DLG2: variants seen among roughly 807,000 people sequenced by gnomAD.
DLG2 encodes disks large homolog 2.
A neutral mutation model predicts 132.5 loss-of-function variants in DLG2; 45 were observed. The observed-to-expected ratio is 0.34, with a 90% CI of 0.27 to 0.44. The LOEUF (loss-of-function observed/expected upper bound fraction) is 0.44. Ranked by LOEUF, DLG2 falls within the 20% of genes least tolerant of loss-of-function variation. The probability of loss-of-function intolerance (pLI) is 1.00; values close to 1 mark genes in which losing one functional copy is unlikely to be tolerated. For missense variants in DLG2, 1,045 were observed against 1,196.9 expected (o/e 0.87, Z 1.87); for synonymous variants, 424 against 419.6 (o/e 1.01, Z -0.13).
At chr11:85,586,008 C>T (rs758674799) in intron 3 of DLG2, among the ~76,000 whole-genome samples, 1 of 152,290 alleles carries the variant, frequency 6.6e-6, no homozygotes, top group East Asian at 1.9e-4. Flanking sequence ...TGAGCCTCCA[C>T]ACCCAACCTG....
intron 6 of DLG2, among the ~76,000 whole-genome samples, chr11:85,085,430 C>T (rs1029695709): frequency 5.6e-4 from 85 of 152,068 alleles, no homozygotes; most frequent in African/African-American, 1.9e-3. Flanking sequence ...TGTAACTTAA[C>T]ATTTGTTGCC....
At chr11:84,177,344 A>C (rs1351159092) in intron 8 of DLG2, among the ~76,000 whole-genome samples, 2 of 152,110 alleles carry the variant, frequency 1.3e-5, no homozygotes, top group East Asian at 3.9e-4. Flanking sequence ...ATATGCATGC[A>C]CATATATACA....
At chr11:84,313,482 G>T (rs1023458741) in intron 7 of DLG2, among the ~76,000 whole-genome samples, 2 of 128,718 alleles carry the variant, frequency 1.6e-5, no homozygotes, top group African/African-American at 5.7e-5. Flanking sequence ...GTACATGATA[G>T]TCAAAGAAAG....
chr11:85,006,975 T>C, intron 6 of DLG2, among the ~76,000 whole-genome samples: 1 of 152,192 alleles, frequency 6.6e-6, no homozygotes, highest in East Asian at 1.9e-4. Context: ...CCCATCTCCA[T>C]AATATTTTAA....
intron 20 of DLG2, among the ~76,000 whole-genome samples, chr11:83,533,283 T>C (rs2095803108): frequency 6.6e-6 from 1 of 152,174 alleles, no homozygotes; most frequent in Non-Finnish European, 1.5e-5. Flanking sequence ...CCAATGTCCT[T>C]CTGTCATCTC....
At chr11:84,891,227 T>C (rs1035873389) in intron 6 of DLG2, among the ~76,000 whole-genome samples, 5 of 152,152 alleles carry the variant, frequency 3.3e-5, no homozygotes, top group Admixed American at 1.3e-4. Context: ...TTTCCTTTTT[T>C]AACACAGACA....
chr11:83,567,824 C>T (rs2143117942), intron 19 of DLG2, among the ~76,000 whole-genome samples: 1 of 152,114 alleles, frequency 6.6e-6, no homozygotes, highest in East Asian at 1.9e-4. Flanking sequence ...GCAAGGAATT[C>T]AGTCCAGCTA....
chr11:84,993,468 G>C (rs1253016614), intron 6 of DLG2, among the ~76,000 whole-genome samples: 1 of 152,234 alleles, frequency 6.6e-6, no homozygotes, highest in Non-Finnish European at 1.5e-5. Flanking sequence ...TGCAGCCAGA[G>C]TGTCTTTGCA....
At chr11:85,613,872 C>T (rs1470632559) in intron 2 of DLG2, among the ~76,000 whole-genome samples, 1 of 152,204 alleles carries the variant, frequency 6.6e-6, no homozygotes, top group Non-Finnish European at 1.5e-5. Flanking sequence ...CCTTTATGAG[C>T]TGTAACACAC....
chr11:84,341,428 T>A (rs2098514137), intron 7 of DLG2, among the ~76,000 whole-genome samples: 1 of 152,134 alleles, frequency 6.6e-6, no homozygotes, highest in Non-Finnish European at 1.5e-5. Flanking sequence ...TTGGCATTGT[T>A]TACATAAACC....
chr11:84,085,983 G>T (rs1251756277), intron 10 of DLG2, among the ~76,000 whole-genome samples: 1 of 152,132 alleles, frequency 6.6e-6, no homozygotes, highest in Non-Finnish European at 1.5e-5. Flanking sequence ...CTATTTATCA[G>T]ATAATTTTTA....
intron 6 of DLG2, among the ~76,000 whole-genome samples, chr11:84,789,520 G>A (rs1246953209): frequency 6.6e-6 from 1 of 152,014 alleles, no homozygotes; most frequent in Non-Finnish European, 1.5e-5. Context: ...GGTAAATGAA[G>A]TATCTATCCC....
At chr11:83,969,122 T>C (rs1324022085) in intron 12 of DLG2, among the ~76,000 whole-genome samples, 1 of 152,118 alleles carries the variant, frequency 6.6e-6, no homozygotes, top group East Asian at 1.9e-4. Flanking sequence ...ATTTTACAGA[T>C]GAGAAAAACT....
chr11:83,610,476 G>T (rs1355440685), intron 19 of DLG2, among the ~76,000 whole-genome samples: 4 of 152,174 alleles, frequency 2.6e-5, no homozygotes, highest in Admixed American at 2.6e-4. Context: ...GATTTGACGA[G>T]AAGTAAACAA....
chr11:85,369,848 A>G (rs1269271888), intron 3 of DLG2, among the ~76,000 whole-genome samples: 1 of 152,200 alleles, frequency 6.6e-6, no homozygotes, highest in African/African-American at 2.4e-5. Context: ...CATGTGGCCT[A>G]AAGAAAGGGT....
intron 6 of DLG2, among the ~76,000 whole-genome samples, chr11:84,778,616 T>C (rs2071127720): frequency 6.6e-6 from 1 of 152,202 alleles, no homozygotes; most frequent in Non-Finnish European, 1.5e-5. Context: ...CTACAATTTA[T>C]TTCATCATTG....
intron 7 of DLG2, among the ~76,000 whole-genome samples, chr11:84,378,372 G>T (rs1336574949): frequency 6.6e-6 from 1 of 152,090 alleles, no homozygotes; most frequent in Non-Finnish European, 1.5e-5. Flanking sequence ...AACCTAATTT[G>T]CTGGCACCTT....
intron 17 of DLG2, among the ~76,000 whole-genome samples, chr11:83,831,556 AAG>A (rs377245778): frequency 4.8e-4 from 72 of 148,868 alleles, no homozygotes; most frequent in African/African-American, 1.0e-3. Flanking sequence ...GAGAGAGAGA[AAG>A]AGAGAGAGAT....
chr11:84,184,499 A>T (rs1165207873), intron 8 of DLG2, among the ~76,000 whole-genome samples: 1 of 151,232 alleles, frequency 6.6e-6, no homozygotes, highest in African/African-American at 2.4e-5. Flanking sequence ...GATTGCAAAA[A>T]TTTTCTCCCA....
Sources: gnomAD v4.1 joint callset for allele counts (sites outside exome capture counted in the v4.1 genomes callset) on GRCh38, gnomAD v4.1.1 for gene constraint, MANE v1.5 for transcripts, NCBI Gene and HGNC (gene_info 2026-07-23, HGNC 2026-07-21) for gene names.